CEP70: variants seen among roughly 807,000 people sequenced by gnomAD.
CEP70 encodes centrosomal protein of 70 kDa.
A neutral mutation model predicts 90.9 loss-of-function variants in CEP70; 70 were observed. That is an observed-to-expected ratio of 0.77 (90% CI 0.64 to 0.94). CEP70 has a LOEUF of 0.94. Ranked by LOEUF, CEP70 falls within the 40% of genes least tolerant of loss-of-function variation. The pLI, the probability that CEP70 is intolerant of heterozygous loss-of-function variation, is 0.00. For synonymous variants in CEP70, 220 were observed against 228.3 expected (o/e 0.96, Z 0.33); for missense variants, 648 against 669.0 (o/e 0.97, Z 0.35).
rs1470175075 is a variant in CEP70 at position 138,542,824 on chromosome 3, T to C, written c.466-5477A>G. ...GGAAGAATGAGGTTACACAGACAAC[T>C]GGAAGGTGAGCAAGGTGGGGAGAAG... On this transcript the variant is annotated intron_variant, in intron 6 of 17. Coordinates refer to ENST00000264982, the MANE Select transcript of CEP70 (RefSeq NM_024491.4). Among the ~76,000 whole-genome samples the C allele has an allele frequency of 5.9e-5, 9 of 152,170 alleles. No individual in the cohort carries two copies. The East Asian group carries it at 1.4e-3, about 23-fold the overall frequency.
At chr3:138,497,249 T>A (rs1436911223) in intron 17 of CEP70, 1 of 1,262,774 alleles carries the variant, frequency 7.9e-7, no homozygotes, top group South Asian at 1.3e-5. Flanking sequence ...TCACTTATTC[T>A]TCTTATCAAG....
chr3:138,571,333 G>A lies in CEP70; in HGVS notation c.93C>T (p.Ser31=), dbSNP rs1227089455. The A allele has an allele frequency of 6.2e-7, 1 of 1,609,536 alleles. No individual in the cohort carries two copies. The highest frequency in any genetic ancestry group is 8.5e-7 in the Non-Finnish European group (1 of 1,177,342). The change falls in exon 4 of 18, where the codon AGC becomes AGT. Residue 31 remains serine (S), a synonymous_variant. Coordinates refer to ENST00000264982, the MANE Select transcript of CEP70 (RefSeq NM_024491.4). ...CATGCATCATCAATAGCACATTTAT[G>A]CTTTCCCATTCTGCTTCTTCCTGCT... is the stretch of plus-strand genomic sequence containing the variant. The part of the protein sequence containing the change: ...EKQQEEAEWE[S]INVLLMMHGL...
At chr3:138,499,968 C>T in intron 16 of CEP70, 142 bp downstream of exon 16, 2 of 633,532 alleles carry the variant, frequency 3.2e-6, no homozygotes, top group Non-Finnish European at 5.8e-6. Context: ...GACAGGGTCT[C>T]ACTGCCTTGC....
At chr3:138,576,707 G>A (rs2041548915) in intron 2 of CEP70, among the ~76,000 whole-genome samples, 1 of 152,262 alleles carries the variant, frequency 6.6e-6, no homozygotes, top group East Asian at 1.9e-4. Context: ...TGGAAGTAAA[G>A]CACTCCTCAG....
intron 11 of CEP70, among the ~76,000 whole-genome samples, chr3:138,523,175 C>A (rs200524493): frequency 4.2e-5 from 5 of 117,958 alleles, no homozygotes; most frequent in Admixed American, 1.5e-4. Context: ...AATTCAACAA[C>A]CCTTCATGCT....
At chr3:138,546,396 G>C (rs1413523935) in intron 6 of CEP70, among the ~76,000 whole-genome samples, 16 of 152,122 alleles carry the variant, frequency 1.1e-4, no homozygotes, top group Admixed American at 1.0e-3. Flanking sequence ...TCACTTGCCT[G>C]GTTTCCCCTT....
intron 2 of CEP70, among the ~76,000 whole-genome samples, chr3:138,577,386 T>C (rs550307829): frequency 4.8e-4 from 73 of 152,240 alleles, no homozygotes; most frequent in African/African-American, 1.7e-3. Flanking sequence ...CAATGGCTCA[T>C]GCCTCTAATC....
chr3:138,551,843 A>G (rs1156279458), intron 6 of CEP70, among the ~76,000 whole-genome samples: 1 of 152,186 alleles, frequency 6.6e-6, no homozygotes, highest in Non-Finnish European at 1.5e-5. Context: ...CTGATGTTGA[A>G]TGTAAATTGC....
intron 7 of CEP70, 161 bp downstream of exon 7, chr3:138,537,017 A>G (rs2038328991): frequency 4.9e-6 from 2 of 405,938 alleles, no homozygotes; most frequent in Non-Finnish European, 8.5e-6. Flanking sequence ...AAAAAAAAAA[A>G]AAGAACAGGA....
intron 6 of CEP70, among the ~76,000 whole-genome samples, chr3:138,561,476 C>T (rs187079233): frequency 4.6e-5 from 7 of 152,166 alleles, no homozygotes; most frequent in Admixed American, 2.6e-4. Flanking sequence ...AAAACCAGAA[C>T]GCCTCTTCTC....
chr3:138,544,805 G>A (rs2039058783), intron 6 of CEP70, among the ~76,000 whole-genome samples: 1 of 152,124 alleles, frequency 6.6e-6, no homozygotes, highest in African/African-American at 2.4e-5. Context: ...AATAAGCCAG[G>A]CCCTGAAAGA....
chr3:138,590,618 G>A (rs1026125890), intron 2 of CEP70, among the ~76,000 whole-genome samples: 3 of 151,290 alleles, frequency 2.0e-5, no homozygotes, highest in Middle Eastern at 3.2e-3. Flanking sequence ...TGGCCAACAT[G>A]GTGATACCCC....
chr3:138,507,058 A>T (rs2035053935), intron 12 of CEP70, among the ~76,000 whole-genome samples: 1 of 152,130 alleles, frequency 6.6e-6, no homozygotes, highest in African/African-American at 2.4e-5. Flanking sequence ...TCCCCTTTTA[A>T]AGGACAAAGC....
chr3:138,565,102 C>T (rs2040689903), intron 6 of CEP70, among the ~76,000 whole-genome samples: 1 of 152,122 alleles, frequency 6.6e-6, no homozygotes, highest in Admixed American at 6.5e-5. Context: ...ACAATTGCTA[C>T]TAGGAGAATT....
At chr3:138,539,325 T>G (rs998968683) in intron 6 of CEP70, among the ~76,000 whole-genome samples, 11 of 152,172 alleles carry the variant, frequency 7.2e-5, no homozygotes, top group Admixed American at 6.5e-4. Context: ...TTTTTATCAT[T>G]GTTAAAGAAT....
Position 138,570,465 on chromosome 3 carries a change from G to T in CEP70, c.318C>A (p.Ala106=). The part of the protein sequence containing the change: ...NELQLEQSRA[A]NQEQRANDLE... Reference sequence around the variant, plus strand: ...AGTCATTAGCTCGTTGTTCTTGATTGGCTGCTCGGCTTTGCTCTAGCTGAA... The same window carrying T: ...AGTCATTAGCTCGTTGTTCTTGATTTGCTGCTCGGCTTTGCTCTAGCTGAA... Residue 106 remains alanine (A), a synonymous_variant, in exon 6 of 18, where the codon GCC becomes GCA. Transcript: ENST00000264982. The T allele has an allele frequency of 6.2e-7, 1 of 1,607,216 alleles. No homozygotes were observed. Among genetic ancestry groups the T allele is most frequent in the Non-Finnish European group, 8.5e-7 (1 of 1,177,824 alleles).
intron 7 of CEP70, among the ~76,000 whole-genome samples, chr3:138,534,480 C>G (rs2038097545): frequency 6.6e-6 from 1 of 152,204 alleles, no homozygotes; most frequent in African/African-American, 2.4e-5. Context: ...TTCATTCATT[C>G]TGAGTGATTG....
chr3:138,498,075 A>G lies in CEP70; in HGVS notation c.1688T>C (p.Phe563Ser). ...IYKLEEHEEF[F>S]PAFQAFTNDL... is the part of the protein sequence containing the mutation. ...ATTAGTAAATGCCTGAAATGCTGGG[A>G]AAAATTCCTCGTGTTCTTCCAATTT... Residue 563 changes from phenylalanine (F) to serine (S), a missense_variant, in exon 17 of 18, where the codon TTC becomes TCC. By Grantham distance (155) the Phe-to-Ser change is radical. Coordinates refer to ENST00000264982, the MANE Select transcript of CEP70 (RefSeq NM_024491.4). 6.2e-7 allele frequency: 1 copy of G among 1,613,346 alleles called. No homozygotes were observed. The highest frequency in any genetic ancestry group is 8.5e-7 in the Non-Finnish European group (1 of 1,179,664).
intron 6 of CEP70, among the ~76,000 whole-genome samples, chr3:138,539,470 G>C (rs1175255180): frequency 6.6e-6 from 1 of 151,986 alleles, no homozygotes; most frequent in Non-Finnish European, 1.5e-5. Context: ...TTTTAAAAAG[G>C]TATTGAAATA....
Sources: allele counts gnomAD v4.1 joint callset (sites outside exome capture counted in the v4.1 genomes callset), GRCh38; gene constraint gnomAD v4.1.1; transcripts MANE v1.5; gene names NCBI Gene and HGNC (gene_info 2026-07-23, HGNC 2026-07-21).